The following PRKG2 variants were observed in gnomAD, a reference collection of about 807,000 sequenced individuals.
PRKG2 encodes the protein cGMP-dependent protein kinase 2.
PRKG2 carries 33 observed loss-of-function variants against 97.2 expected under a neutral mutation model. That is an observed-to-expected ratio of 0.34 (90% CI 0.26 to 0.45). PRKG2 has a LOEUF of 0.45. PRKG2 is among the 20% of genes least tolerant of loss of function. The pLI, the probability that PRKG2 is intolerant of heterozygous loss-of-function variation, is 1.00. For missense variants in PRKG2, 638 were observed against 900.0 expected, an observed-to-expected ratio of 0.71 and a Z score of 3.73; for synonymous variants, 330 against 321.8, an observed-to-expected ratio of 1.03 and a Z score of -0.27.
At chr4:81,187,098 A>G (rs1472847452) in intron 2 of PRKG2, among the ~76,000 whole-genome samples, 3 of 152,196 alleles carry the variant, frequency 2.0e-5, no homozygotes, top group African/African-American at 7.2e-5. Context: ...CAATAGAAAA[A>G]GAGGGACTCC....
chr4:81,137,445 T>C lies in PRKG2; in HGVS notation c.1582A>G (p.Met528Val). 2 of 1,612,792 alleles carry C rather than the reference T, an allele frequency of 1.2e-6. No homozygotes were observed. The highest frequency in any genetic ancestry group is 1.7e-6 in the Non-Finnish European group (2 of 1,178,802). Reference protein sequence around the residue: ...RTFKDNKYVYMLLEACLGGEL... With the variant: ...RTFKDNKYVYVLLEACLGGEL... ...CCACCTAAGCAGGCCTCCAGAAGCATGTATACATACTTATTGTCCTTGAAA... is the reference window on the plus strand; with the variant it reads ...CCACCTAAGCAGGCCTCCAGAAGCACGTATACATACTTATTGTCCTTGAAA... Residue 528 changes from methionine (M) to valine (V), a missense_variant, in exon 13 of 19, where the codon ATG (methionine) becomes GTG (valine). Physicochemically the swap from Met to Val is conservative, Grantham distance 21 (BLOSUM62 1). Around this residue, in one of 3 missense-constraint regions of PRKG2, gnomAD observed 304 missense variants for 460.5 expected, o/e 0.66. Transcript: ENST00000264399.
chr4:81,121,060 CT>C (rs1194415453), intron 14 of PRKG2, among the ~76,000 whole-genome samples: 2 of 151,670 alleles, frequency 1.3e-5, no homozygotes, highest in African/African-American at 2.4e-5. Flanking sequence ...TAATATAATG[CT>C]TTTTTTTCAG....
chr4:81,121,715 T>C (rs1320601077), intron 14 of PRKG2, among the ~76,000 whole-genome samples: 1 of 152,142 alleles, frequency 6.6e-6, no homozygotes, highest in Non-Finnish European at 1.5e-5. Context: ...ATTTATATCT[T>C]CACTCTTTCA....
At chr4:81,105,468 T>C (rs1172077595) in intron 16 of PRKG2, among the ~76,000 whole-genome samples, 1 of 152,214 alleles carries the variant, frequency 6.6e-6, no homozygotes, top group Non-Finnish European at 1.5e-5. Context: ...GAAAATGATA[T>C]GACTTCATTC....
At chr4:81,202,502 C>T (rs1423403791) in intron 2 of PRKG2, among the ~76,000 whole-genome samples, 2 of 152,080 alleles carry the variant, frequency 1.3e-5, no homozygotes, top group Non-Finnish European at 2.9e-5. Flanking sequence ...ATTGTTAGGG[C>T]ATGGATGATA....
chr4:81,116,320 A>G (rs1744515011), intron 14 of PRKG2, among the ~76,000 whole-genome samples: 1 of 152,192 alleles, frequency 6.6e-6, no homozygotes, highest in African/African-American at 2.4e-5. Context: ...TTCTCTTAGA[A>G]TAATGCCCTC....
intron 2 of PRKG2, among the ~76,000 whole-genome samples, chr4:81,199,726 T>C (rs1304526954): frequency 6.6e-6 from 1 of 152,224 alleles, no homozygotes; most frequent in Admixed American, 6.5e-5. Flanking sequence ...TGTTCTGTAG[T>C]GCACATCCTC....
chr4:81,176,448 A>G (rs1435436882), intron 2 of PRKG2, among the ~76,000 whole-genome samples: 5 of 152,178 alleles, frequency 3.3e-5, no homozygotes, highest in African/African-American at 1.2e-4. Context: ...ATTTTTATCC[A>G]CTAAAGCCAA....
At chr4:81,116,486 T>C (rs193117363) in intron 14 of PRKG2, among the ~76,000 whole-genome samples, 2 of 152,308 alleles carry the variant, frequency 1.3e-5, no homozygotes, top group Admixed American at 6.5e-5. Flanking sequence ...GTAATGAACA[T>C]ATGTGTGCAT....
At chr4:81,151,566 A>G (rs1748403285) in intron 8 of PRKG2, among the ~76,000 whole-genome samples, 1 of 152,114 alleles carries the variant, frequency 6.6e-6, no homozygotes, top group African/African-American at 2.4e-5. Context: ...TGATGATTTA[A>G]AAGCACACAA....
chr4:81,211,415 G>A (rs1009397387), intron 1 of PRKG2, among the ~76,000 whole-genome samples: 3 of 152,176 alleles, frequency 2.0e-5, no homozygotes, highest in Non-Finnish European at 2.9e-5. Context: ...TGATAGCACA[G>A]TCAAGGGACA....
intron 2 of PRKG2, among the ~76,000 whole-genome samples, chr4:81,194,789 G>A (rs1328783339): frequency 6.6e-6 from 1 of 152,172 alleles, no homozygotes; most frequent in Non-Finnish European, 1.5e-5. Context: ...TCCTTTAAAT[G>A]TCTCTAATTA....
rs200058151 is a variant in PRKG2 at position 81,144,608 on chromosome 4, A to AT, written c.1155-279dup. Among the ~76,000 whole-genome samples the AT allele has an allele frequency of 4.1e-3, 576 of 140,464 alleles. 4 individuals carry two copies. The highest frequency in any genetic ancestry group is 0.014 in the African/African-American group (448 of 32,360). The allele number at this position is 140,464 out of a possible 152,430, so 92.1% of individuals were successfully genotyped here. On this transcript the variant is annotated intron_variant, in intron 9 of 18. Coordinates refer to ENST00000264399, the MANE Select transcript of PRKG2 (RefSeq NM_006259.3). Reference sequence around the variant, plus strand: ...TGTATTTAAGGTTATATATATATATATATTTTTTTTTTATTATACTTTAAG... The same window carrying AT: ...TGTATTTAAGGTTATATATATATATATTATTTTTTTTTTATTATACTTTAAG...
chr4:81,172,122 C>A (rs546534757), intron 3 of PRKG2, among the ~76,000 whole-genome samples: 2 of 151,888 alleles, frequency 1.3e-5, no homozygotes, highest in South Asian at 4.2e-4. Flanking sequence ...AGAACAATGG[C>A]TAGTGCATAG....
intron 6 of PRKG2, among the ~76,000 whole-genome samples, chr4:81,158,715 A>T (rs1469292347): frequency 1.3e-5 from 2 of 152,222 alleles, no homozygotes; most frequent in Admixed American, 6.5e-5. Flanking sequence ...AGGCTATAGT[A>T]ACCAAAACAG....
chr4:81,114,088 A>AT (rs1744248495), intron 14 of PRKG2, among the ~76,000 whole-genome samples: 1 of 152,084 alleles, frequency 6.6e-6, no homozygotes, highest in South Asian at 2.1e-4. Context: ...AACAGGAAAT[A>AT]TTTTTTGAGG....
chr4:81,180,146 T>C (rs964116284), intron 2 of PRKG2, among the ~76,000 whole-genome samples: 2 of 150,754 alleles, frequency 1.3e-5, no homozygotes, highest in South Asian at 4.2e-4. Context: ...AAAAATAAAA[T>C]TAAATAAATA....
chr4:81,110,594 C>T lies in PRKG2; in HGVS notation c.1794G>A (p.Ala598=), dbSNP rs760989712. The T allele has an allele frequency of 8.7e-6, 14 of 1,613,556 alleles. No individual in the cohort carries two copies. The highest frequency in any genetic ancestry group is 2.2e-5 in the South Asian group (2 of 91,026). Reference sequence around the variant, plus strand: ...TTTTCTGTCCAGACCCTATTTTCTTCGCAAATCCAAAGTCAACCTGGTAAA... The same window carrying T: ...TTTTCTGTCCAGACCCTATTTTCTTTGCAAATCCAAAGTCAACCTGGTAAA... ...GYLKLVDFGF[A]KKIGSGQKTW... Residue 598 remains alanine, a synonymous_variant, in exon 15 of 19, where the codon GCG becomes GCA. Coordinates refer to ENST00000264399, the MANE Select transcript of PRKG2 (RefSeq NM_006259.3).
chr4:81,137,520 T>C, intron 12 of PRKG2, 38 bp from the exon 13 acceptor site: 1 of 1,534,350 alleles, frequency 6.5e-7, no homozygotes, highest in Non-Finnish European at 9.0e-7. Flanking sequence ...TTATTGGAAA[T>C]CTAGTTTAAA....
Sources: gnomAD v4.1 joint callset for allele counts (sites outside exome capture counted in the v4.1 genomes callset) on GRCh38, gnomAD v4.1.1 for gene constraint, gnomAD v4.1.1 regional missense constraint, MANE v1.5 for transcripts, NCBI Gene and HGNC (gene_info 2026-07-23, HGNC 2026-07-21) for gene names.